Variants in CEP43 observed in about 807,000 individuals in gnomAD.
CEP43 encodes the protein FGFR1 oncogene partner.
In CEP43, 36 loss-of-function variants were observed where a neutral mutation model predicts 52.6. That is an observed-to-expected ratio of 0.68 (90% CI 0.52 to 0.90). The LOEUF (loss-of-function observed/expected upper bound fraction) is 0.90, where lower values mean the gene tolerates loss of function less well. Ranked by LOEUF, CEP43 falls within the 40% of genes least tolerant of loss-of-function variation. The pLI, the probability that CEP43 is intolerant of heterozygous loss-of-function variation, is 0.00. For missense variants in CEP43, 506 were observed against 472.8 expected (o/e 1.07, Z -0.65); for synonymous variants, 192 against 172.4 (o/e 1.11, Z -0.89).
chr6:167,032,580 A>T (rs373951182), intron 10 of CEP43, 23 bp from the exon 11 acceptor site: 1 of 1,556,780 alleles, frequency 6.4e-7, no homozygotes, highest in South Asian at 1.2e-5. Flanking sequence ...TAGATATAAC[A>T]TATCTTTTCT....
At position 167,046,163 on chromosome 6, in the gene CEP43, T is replaced by C. The variant is rs1780793357; in HGVS notation, c.*6185T>C. 1 of 152,162 alleles carries C rather than the reference T, an allele frequency of 6.6e-6. No homozygotes were observed. The highest frequency in any genetic ancestry group is 2.4e-5 in the African/African-American group (1 of 41,434). The allele number at this position is 152,162 out of a possible 1,614,324, so 9.4% of individuals were successfully genotyped here. A position where few individuals can be genotyped will look rare whatever the true frequency, so the allele number is the denominator to read the frequency against. On this transcript the variant is annotated 3_prime_UTR_variant, in exon 13 of 13. Coordinates refer to ENST00000366847, the MANE Select transcript of CEP43 (RefSeq NM_007045.4). ...ATTAATTACATTTATAGAGGTTAGGTATATATGGCAGATCATATCTGAGCG... is the reference window on the plus strand; with the variant it reads ...ATTAATTACATTTATAGAGGTTAGGCATATATGGCAGATCATATCTGAGCG...
At position 167,008,421 on chromosome 6, in the gene CEP43, G is replaced by A. The variant is rs181216129; in HGVS notation, c.439-2392G>A. Among the ~76,000 whole-genome samples the A allele has an allele frequency of 3.9e-5, 6 of 152,162 alleles. No homozygotes were observed. In the South Asian group the frequency reaches 6.2e-4, roughly 16 times the overall value. On this transcript the variant is annotated intron_variant, in intron 5 of 12. Coordinates refer to ENST00000366847, the MANE Select transcript of CEP43 (RefSeq NM_007045.4). ...ACACATGGAAATTTACTGAGGACAA[G>A]GGCTTTATCTTCATATCTCTTACAC... is the stretch of plus-strand genomic sequence containing the variant.
In CEP43 at chr6:167,041,192, A is replaced by G; in HGVS notation, c.*1214A>G. 1 of 1,047,750 alleles carries G rather than the reference A, an allele frequency of 9.5e-7. No individual in the cohort carries two copies. Among genetic ancestry groups the G allele is most frequent in the Non-Finnish European group, 1.2e-6 (1 of 868,460 alleles). 64.9% of individuals were successfully genotyped at this position (1,047,750 alleles called of 1,614,324 possible). On this transcript the variant is annotated 3_prime_UTR_variant, in exon 13 of 13. Coordinates refer to ENST00000366847, the MANE Select transcript of CEP43 (RefSeq NM_007045.4). ...GATCTCGGTTAAGTGAGCAGACTGC[A>G]TGACTTGTGTAATGCCAGTTTCTCA...
chr6:167,021,461 T>C (rs1302506108), intron 7 of CEP43, among the ~76,000 whole-genome samples: 1 of 152,206 alleles, frequency 6.6e-6, no homozygotes, highest in Non-Finnish European at 1.5e-5. Context: ...AGGTGAAGCA[T>C]TTGAATGTTC....
At chr6:167,013,113 A>C (rs1780020593) in intron 6 of CEP43, among the ~76,000 whole-genome samples, 1 of 152,196 alleles carries the variant, frequency 6.6e-6, no homozygotes, top group South Asian at 2.1e-4. Flanking sequence ...GGGTCCACCC[A>C]ACCTTTAGGA....
At chr6:167,037,361 CAATT>C (rs72079749) in intron 12 of CEP43, among the ~76,000 whole-genome samples, 12,238 of 97,494 alleles carry the variant, frequency 0.13, 631 homozygotes, top group Middle Eastern at 0.25. Flanking sequence ...ATATAACACT[CAATT>C]ACTTTGTAAA....
At position 167,022,619 on chromosome 6, in the gene CEP43, G is replaced by C; in HGVS notation, c.790G>C (p.Glu264Gln). ...CTTTGATGATCCCATTCCTAAGCCAGAGAAAACTTACGGTTTGTGAGTAAA... is the reference window on the plus strand; with the variant it reads ...CTTTGATGATCCCATTCCTAAGCCACAGAAAACTTACGGTTTGTGAGTAAA... ...SFFDDPIPKP[E>Q]KTYGLRKEPR... Residue 264 changes from glutamate (E) to glutamine (Q), a missense_variant, in exon 8 of 13, where the codon GAG becomes CAG. By Grantham distance (29) the Glu-to-Gln change is conservative. Coordinates refer to ENST00000366847, the MANE Select transcript of CEP43 (RefSeq NM_007045.4). The C allele has an allele frequency of 6.2e-7, 1 of 1,613,258 alleles. No homozygotes were observed. The highest frequency in any genetic ancestry group is 8.5e-7 in the Non-Finnish European group (1 of 1,179,298).
rs1344614303 is a variant in CEP43 at position 167,045,394 on chromosome 6, ATT to A, written c.*5417_*5418del. Reference sequence around the variant, plus strand: ...CGGCCCAGCCTCCCAAAGTGCTGGGATTACAGGCATGAGCCACTGTACCCAGC... The same window carrying A: ...CGGCCCAGCCTCCCAAAGTGCTGGGAACAGGCATGAGCCACTGTACCCAGC... On this transcript the variant is annotated 3_prime_UTR_variant, in exon 13 of 13. Coordinates refer to ENST00000366847, the MANE Select transcript of CEP43 (RefSeq NM_007045.4). The A allele has an allele frequency of 3.6e-5, 5 of 139,890 alleles. No homozygotes were observed. Among genetic ancestry groups the A allele is most frequent in the African/African-American group, 1.3e-4 (5 of 39,210 alleles). The allele number at this position is 139,890 out of a possible 1,614,324, so 8.7% of individuals were successfully genotyped here.
chr6:167,041,077 G>A lies in CEP43; in HGVS notation c.*1099G>A. Reference sequence around the variant, plus strand: ...TATATAAGTAAAGCAGGATTGTGCTGTTTTTGCACTTTATAATTTCAATTA... The same window carrying A: ...TATATAAGTAAAGCAGGATTGTGCTATTTTTGCACTTTATAATTTCAATTA... On this transcript the variant is annotated 3_prime_UTR_variant, in exon 13 of 13. Coordinates refer to ENST00000366847, the MANE Select transcript of CEP43 (RefSeq NM_007045.4). 2 of 1,037,040 alleles carry A rather than the reference G, an allele frequency of 1.9e-6. No homozygotes were observed. The highest frequency in any genetic ancestry group is 2.3e-6 in the Non-Finnish European group (2 of 861,444). The allele number at this position is 1,037,040 out of a possible 1,614,324, so 64.2% of individuals were successfully genotyped here. A position where few individuals can be genotyped will look rare whatever the true frequency, so the allele number is the denominator to read the frequency against.
intron 1 of CEP43, 128 bp downstream of exon 1, chr6:166,999,642 G>A: frequency 1.6e-6 from 1 of 619,038 alleles, no homozygotes; most frequent in Non-Finnish European, 2.5e-6. Flanking sequence ...CACTGGGGGC[G>A]CGCCCCGGCA....
chr6:167,022,564 A>G lies in CEP43; in HGVS notation c.735A>G (p.Pro245=). ...GCAAAGACAAAGCTGGCCTTTGTCCAGATGAAGATGATATGGAAGGAGATT... is the reference window on the plus strand; with the variant it reads ...GCAAAGACAAAGCTGGCCTTTGTCCGGATGAAGATGATATGGAAGGAGATT... The part of the protein sequence containing the change: ...LDGKDKAGLC[P]DEDDMEGDSF... Residue 245 remains proline (P), a synonymous_variant, in exon 8 of 13, where the codon CCA becomes CCG. Coordinates refer to ENST00000366847, the MANE Select transcript of CEP43 (RefSeq NM_007045.4). 1 of 1,614,184 alleles carries G rather than the reference A, an allele frequency of 6.2e-7. No homozygotes were observed. The highest frequency in any genetic ancestry group is 1.7e-5 in the Admixed American group (1 of 60,034).
At chr6:167,001,205 C>T (rs77614026) in intron 2 of CEP43, among the ~76,000 whole-genome samples, 3,009 of 152,308 alleles carry the variant, frequency 0.02, 44 homozygotes, top group Middle Eastern at 0.041. Context: ...TTATCTGTAC[C>T]TCTTTCCTTA....
intron 7 of CEP43, among the ~76,000 whole-genome samples, chr6:167,018,117 A>G (rs1045557214): frequency 6.6e-6 from 1 of 152,086 alleles, no homozygotes; most frequent in Non-Finnish European, 1.5e-5. Context: ...CTTTGCCTCC[A>G]TCTTCACATG....
At position 167,041,890 on chromosome 6, in the gene CEP43, C is replaced by A; in HGVS notation, c.*1912C>A. On this transcript the variant is annotated 3_prime_UTR_variant, in exon 13 of 13. Transcript: ENST00000366847. ...TCAGACTGGAGTACAGTGATGCGAT[C>A]TCGGCTCACTGCAACCTCCGCCTCC... The A allele has an allele frequency of 1.3e-6, 1 of 766,184 alleles. No individual in the cohort carries two copies. The highest frequency in any genetic ancestry group is 1.6e-6 in the Non-Finnish European group (1 of 622,130). 47.5% of individuals were successfully genotyped at this position (766,184 alleles called of 1,614,324 possible).
chr6:167,046,997 C>T lies in CEP43; in HGVS notation c.*7019C>T, dbSNP rs1228892354. ...ATCTGTGACCCCTAGGAGTGGGGACCATGGAAGCACTTGGCTCTCCAGCAT... is the reference window on the plus strand; with the variant it reads ...ATCTGTGACCCCTAGGAGTGGGGACTATGGAAGCACTTGGCTCTCCAGCAT... On this transcript the variant is annotated 3_prime_UTR_variant, in exon 13 of 13. Transcript: ENST00000366847. The T allele has an allele frequency of 1.3e-5, 2 of 152,248 alleles. No homozygotes were observed. The highest frequency in any genetic ancestry group is 2.9e-5 in the Non-Finnish European group (2 of 68,068). 9.4% of individuals were successfully genotyped at this position (152,248 alleles called of 1,614,324 possible). A position where few individuals can be genotyped will look rare whatever the true frequency, so the allele number is the denominator to read the frequency against.
chr6:167,035,030 T>G (rs1780554618), intron 12 of CEP43, among the ~76,000 whole-genome samples: 1 of 152,172 alleles, frequency 6.6e-6, no homozygotes, highest in Non-Finnish European at 1.5e-5. Flanking sequence ...AAGAAATGAC[T>G]GTTAAACTAG....
chr6:167,032,537 T>G, intron 10 of CEP43, 66 bp from the exon 11 acceptor site: 1 of 1,405,442 alleles, frequency 7.1e-7, no homozygotes. Context: ...TAAGGAAATG[T>G]GTGTTTAATG....
At chr6:167,009,980 T>C (rs1042428811) in intron 5 of CEP43, among the ~76,000 whole-genome samples, 1 of 152,124 alleles carries the variant, frequency 6.6e-6, no homozygotes, top group Non-Finnish European at 1.5e-5. Flanking sequence ...CAAAGGCCAG[T>C]TTAAGGATTT....
At position 167,044,590 on chromosome 6, in the gene CEP43, C is replaced by T. The variant is rs73035058; in HGVS notation, c.*4612C>T. ...AAGGCCTCTGAGGTAGGAGGGACAGCGTTTTTGAATGTGAAATTTATTCCC... is the reference window on the plus strand; with the variant it reads ...AAGGCCTCTGAGGTAGGAGGGACAGTGTTTTTGAATGTGAAATTTATTCCC... On this transcript the variant is annotated 3_prime_UTR_variant, in exon 13 of 13. Transcript: ENST00000366847. The T allele has an allele frequency of 7.6e-4, 736 of 968,842 alleles. 4 individuals carry two copies. The African/African-American group carries it at 0.012, about 16-fold the overall frequency. The allele number at this position is 968,842 out of a possible 1,614,324, so 60.0% of individuals were successfully genotyped here. A position where few individuals can be genotyped will look rare whatever the true frequency, so the allele number is the denominator to read the frequency against.
Sources: gnomAD v4.1 joint callset for allele counts (sites outside exome capture counted in the v4.1 genomes callset) on GRCh38, gnomAD v4.1.1 for gene constraint, MANE v1.5 for transcripts, NCBI Gene and HGNC (gene_info 2026-07-23, HGNC 2026-07-21) for gene names.